Variants in C1orf198 observed in about 807,000 individuals in gnomAD.
The protein encoded by C1orf198 is chromosome 1 open reading frame 198, also known as uncharacterized protein C1orf198.
A neutral mutation model predicts 31.4 loss-of-function variants in C1orf198; 17 were observed. That is an observed-to-expected ratio of 0.54 (90% CI 0.37 to 0.81). The LOEUF is 0.81. C1orf198 is among the 40% of genes least tolerant of loss of function. The pLI is 0.00. For missense variants in C1orf198, 401 were observed against 450.3 expected (o/e 0.89, Z 0.99); for synonymous variants, 175 against 193.8 (o/e 0.90, Z 0.81).
rs1346900104 is a variant in C1orf198 at position 230,843,998 on chromosome 1, A to T, written c.385-102T>A. The stretch of plus-strand genomic sequence containing the variant: ...GCACCCCTCCTCAGCATAAGGACGC[A>T]CACCAGCCACACACGAGTTGTTGCC... On this transcript the variant is annotated intron_variant, in intron 2 of 3. Coordinates refer to ENST00000366663, the MANE Select transcript of C1orf198 (RefSeq NM_032800.3). The surrounding 1 kb of genome is among the most constrained non-coding windows in gnomAD (Gnocchi z 4.9). 1 of 1,189,744 alleles carries T rather than the reference A, an allele frequency of 8.4e-7. No homozygotes were observed. Among genetic ancestry groups the T allele is most frequent in the East Asian group, 2.4e-5 (1 of 41,472 alleles). 73.7% of individuals were successfully genotyped at this position (1,189,744 alleles called of 1,614,324 possible).
Position 230,868,285 on chromosome 1 carries a change from C to T in C1orf198, c.228G>A (p.Gly76=). ...GGTCTCGGGGCGCCGGGGCGCGCGG[C>T]CCCACCAGGCACCGGTCGATGATCT... ...QDEIIDRCLV[G]PRAPAPRDPG... The change falls in exon 1 of 4, where the codon GGG becomes GGA. Residue 76 remains glycine, a synonymous_variant. Coordinates refer to ENST00000366663, the MANE Select transcript of C1orf198 (RefSeq NM_032800.3). 1 of 1,593,080 alleles carries T rather than the reference C, an allele frequency of 6.3e-7. No homozygotes were observed. Among genetic ancestry groups the T allele is most frequent in the Non-Finnish European group, 8.5e-7 (1 of 1,171,334 alleles).
chr1:230,849,542 C>T (rs1669685474), intron 2 of C1orf198, among the ~76,000 whole-genome samples: 2 of 152,208 alleles, frequency 1.3e-5, no homozygotes, highest in South Asian at 2.1e-4. Flanking sequence ...CAGGGCTGGG[C>T]GTCAGTCACC....
At position 230,840,002 on chromosome 1, in the gene C1orf198, T is replaced by A; in HGVS notation, c.928-94A>T. The A allele has an allele frequency of 1.9e-6, 2 of 1,078,734 alleles. No homozygotes were observed. The highest frequency in any genetic ancestry group is 2.7e-6 in the Non-Finnish European group (2 of 739,850). The allele number at this position is 1,078,734 out of a possible 1,614,324, so 66.8% of individuals were successfully genotyped here. On this transcript the variant is annotated intron_variant, in intron 3 of 3. Transcript: ENST00000366663. The surrounding 1 kb of genome is among the most constrained non-coding windows in gnomAD (Gnocchi z 4.0). ...AGCATCTCATTTAAAACGACCCAGA[T>A]AAAAGAGCCTACTTCTGTCTCAGAG...
chr1:230,858,951 G>C (rs997781433), intron 1 of C1orf198, among the ~76,000 whole-genome samples: 7 of 152,158 alleles, frequency 4.6e-5, no homozygotes, highest in African/African-American at 1.7e-4. Context: ...GTCACACTGT[G>C]ATTTCTCCCC....
At chr1:230,846,421 C>A (rs2102976891) in intron 2 of C1orf198, among the ~76,000 whole-genome samples, 1 of 152,368 alleles carries the variant, frequency 6.6e-6, no homozygotes, top group African/African-American at 2.4e-5. Context: ...AGCACTCTCC[C>A]AGGATTCTCG....
intron 1 of C1orf198, among the ~76,000 whole-genome samples, chr1:230,864,571 G>A (rs988789228): frequency 9.2e-5 from 14 of 152,138 alleles, no homozygotes; most frequent in African/African-American, 3.4e-4. Flanking sequence ...GTCTGGCTCC[G>A]GGTTCTTTAA....
intron 1 of C1orf198, among the ~76,000 whole-genome samples, chr1:230,859,325 C>T (rs542298226): frequency 2.6e-5 from 4 of 152,230 alleles, no homozygotes; most frequent in African/African-American, 9.6e-5. Context: ...ATCACATATG[C>T]TTTTTCTAGG....
intron 2 of C1orf198, among the ~76,000 whole-genome samples, chr1:230,844,216 G>T (rs1669527095): frequency 6.6e-6 from 1 of 152,062 alleles, no homozygotes; most frequent in Non-Finnish European, 1.5e-5. Context: ...GGATCACAGG[G>T]GCGGATGTTG....
intron 2 of C1orf198, among the ~76,000 whole-genome samples, chr1:230,852,141 A>G (rs1374441541): frequency 6.6e-6 from 1 of 152,098 alleles, no homozygotes; most frequent in African/African-American, 2.4e-5. Context: ...CATGTGTACA[A>G]ATTTGGGTTA....
chr1:230,852,978 G>A (rs7542523), intron 2 of C1orf198, among the ~76,000 whole-genome samples: 2,327 of 152,218 alleles, frequency 0.015, 33 homozygotes, highest in East Asian at 0.07. Flanking sequence ...TTCCGTTCCC[G>A]CACACGGATC....
intron 1 of C1orf198, among the ~76,000 whole-genome samples, chr1:230,862,245 G>A (rs1183216495): frequency 6.6e-6 from 1 of 152,186 alleles, no homozygotes; most frequent in Non-Finnish European, 1.5e-5. Context: ...CAGCACCCTG[G>A]ACATGTTGAC....
intron 2 of C1orf198, among the ~76,000 whole-genome samples, chr1:230,847,737 T>A (rs1572130289): frequency 6.6e-6 from 1 of 152,222 alleles, no homozygotes; most frequent in African/African-American, 2.4e-5. Flanking sequence ...GGGATAGAGA[T>A]GATAGTTTCT....
chr1:230,868,489 G>C lies in C1orf198; in HGVS notation c.24C>G (p.Ile8Met). The change falls in exon 1 of 4, where the codon ATC (isoleucine) becomes ATG (methionine). Residue 8 changes from isoleucine to methionine, a missense_variant. Coordinates refer to ENST00000366663, the MANE Select transcript of C1orf198 (RefSeq NM_032800.3). ...TCATGACCGCCGAGCGCGAAGCCGC[G>C]ATCGCCGCCGCCATGGACGCCATGC... is the stretch of plus-strand genomic sequence containing the variant. MASMAAA[I>M]AASRSAVMSG... The C allele has an allele frequency of 6.7e-7, 1 of 1,481,958 alleles. No homozygotes were observed. The highest frequency in any genetic ancestry group is 9.0e-7 in the Non-Finnish European group (1 of 1,107,874). The allele number at this position is 1,481,958 out of a possible 1,614,324, so 91.8% of individuals were successfully genotyped here.
rs1558136401 is a variant in C1orf198 at position 230,843,805 on chromosome 1, G to A, written c.476C>T (p.Ser159Phe). The A allele has an allele frequency of 1.2e-6, 2 of 1,603,638 alleles. No homozygotes were observed. Among genetic ancestry groups the A allele is most frequent in the African/African-American group, 1.3e-5 (1 of 74,706 alleles). ...GGACTTGAGGGCCTGGGAGCCCTGGGAAGCTTTGGACAGTGGTCTGGGCTC... is the reference window on the plus strand; with the variant it reads ...GGACTTGAGGGCCTGGGAGCCCTGGAAAGCTTTGGACAGTGGTCTGGGCTC... ...ASEPRPLSKA[S>F]QGSQALKSSQ... Residue 159 changes from serine (S) to phenylalanine (F), a missense_variant, in exon 3 of 4, where the codon TCC becomes TTC. Coordinates refer to ENST00000366663, the MANE Select transcript of C1orf198 (RefSeq NM_032800.3). The surrounding 1 kb of genome is among the most constrained non-coding windows in gnomAD (Gnocchi z 4.9).
intron 1 of C1orf198, among the ~76,000 whole-genome samples, chr1:230,865,171 T>A (rs918558453): frequency 6.6e-6 from 1 of 152,164 alleles, no homozygotes; most frequent in Non-Finnish European, 1.5e-5. Flanking sequence ...GCCACCAGAC[T>A]TCACAGAGAG....
intron 1 of C1orf198, among the ~76,000 whole-genome samples, chr1:230,864,830 G>A (rs1670081206): frequency 6.6e-6 from 1 of 152,164 alleles, no homozygotes; most frequent in Admixed American, 6.5e-5. Flanking sequence ...AAGATTGGGG[G>A]CAGGAGCAGG....
intron 1 of C1orf198, among the ~76,000 whole-genome samples, chr1:230,858,309 T>G (rs1363104235): frequency 2.0e-5 from 3 of 152,200 alleles, no homozygotes; most frequent in Admixed American, 6.5e-5. Flanking sequence ...GGGCTTTGTT[T>G]TCACATGGGA....
intron 2 of C1orf198, among the ~76,000 whole-genome samples, chr1:230,845,541 G>C (rs1457302833): frequency 6.6e-6 from 1 of 152,088 alleles, no homozygotes; most frequent in Non-Finnish European, 1.5e-5. Context: ...AATTAGCCAG[G>C]CGTGGTGGCA....
rs1438084289 is a variant in C1orf198 at position 230,864,595 on chromosome 1, A to G, written c.333+3585T>C. Among the ~76,000 whole-genome samples the G allele has an allele frequency of 3.3e-5, 5 of 152,128 alleles. No homozygotes were observed. In the East Asian group the frequency reaches 9.6e-4, roughly 29 times the overall value. On this transcript the variant is annotated intron_variant, in intron 1 of 3. Coordinates refer to ENST00000366663, the MANE Select transcript of C1orf198 (RefSeq NM_032800.3). ...CGGGTTCTTTAAAAATCCACGTTCC[A>G]CAACATGTGAAACCCCGATTAGGGA...
Sources: gnomAD v4.1 joint callset for allele counts (sites outside exome capture counted in the v4.1 genomes callset) on GRCh38, gnomAD v4.1.1 for gene constraint, Gnocchi (gnomAD v3.1) non-coding constraint, MANE v1.5 for transcripts, NCBI Gene and HGNC (gene_info 2026-07-23, HGNC 2026-07-21) for gene names.